Variants in RANBP3L observed in about 807,000 individuals in gnomAD.
The protein encoded by RANBP3L is ran-binding protein 3-like.
Under a neutral mutation model 67.2 loss-of-function variants are expected in RANBP3L, and 56 were observed. The ratio of observed to expected loss-of-function variants is 0.83; its 90% CI spans 0.67 to 1.04. The LOEUF (loss-of-function observed/expected upper bound fraction) is 1.04. Ranked by LOEUF, RANBP3L falls within the 50% of genes least tolerant of loss-of-function variation. RANBP3L has a pLI of 0.00. For synonymous variants in RANBP3L, 164 were observed against 181.4 expected (o/e 0.90, Z 0.77); for missense variants, 496 against 535.5 (o/e 0.93, Z 0.73).
At chr5:36,290,312 GT>G (rs1370373321) in intron 1 of RANBP3L, among the ~76,000 whole-genome samples, 1 of 150,282 alleles carries the variant, frequency 6.7e-6, no homozygotes, top group Non-Finnish European at 1.5e-5. Flanking sequence ...TTACCTCCCA[GT>G]TCAAGCAATT....
intron 1 of RANBP3L, among the ~76,000 whole-genome samples, chr5:36,275,885 T>G (rs1472290742): frequency 2.0e-5 from 3 of 152,148 alleles, no homozygotes; most frequent in African/African-American, 7.2e-5. Flanking sequence ...TCTCCTGTTT[T>G]TCCAGAAAAG....
chr5:36,279,072 G>GA (rs894834505), intron 1 of RANBP3L, among the ~76,000 whole-genome samples: 19 of 151,776 alleles, frequency 1.3e-4, no homozygotes, highest in African/African-American at 4.4e-4. Flanking sequence ...ATTATCTGCA[G>GA]AAAAAAAATA....
chr5:36,297,120 A>T (rs1752271326), intron 1 of RANBP3L, among the ~76,000 whole-genome samples: 1 of 152,172 alleles, frequency 6.6e-6, no homozygotes, highest in Admixed American at 6.6e-5. Flanking sequence ...CCTTATCAAT[A>T]ACATAAGACA....
At chr5:36,277,391 C>T (rs1276528539) in intron 1 of RANBP3L, among the ~76,000 whole-genome samples, 2 of 133,746 alleles carry the variant, frequency 1.5e-5, no homozygotes, top group Non-Finnish European at 3.2e-5. Context: ...CGAGCCTCAG[C>T]TTTTTCATCT....
At chr5:36,265,630 C>T in intron 4 of RANBP3L, 110 bp from the exon 5 acceptor site, 2 of 619,490 alleles carry the variant, frequency 3.2e-6, no homozygotes, top group Non-Finnish European at 5.6e-6. Flanking sequence ...TCGCAATTGG[C>T]ACTAACAGAG....
intron 1 of RANBP3L, among the ~76,000 whole-genome samples, chr5:36,299,367 A>G (rs879839890): frequency 0.022 from 3,067 of 139,472 alleles, 79 homozygotes; most frequent in African/African-American, 0.067. Context: ...GTGTGTGTGT[A>G]TATATCCTAT....
chr5:36,257,843 A>G (rs1579683565), intron 8 of RANBP3L, among the ~76,000 whole-genome samples: 1 of 68,638 alleles, frequency 1.5e-5, no homozygotes, highest in East Asian at 3.0e-4. Flanking sequence ...AAAGAAGGTA[A>G]TAGATGTTCC....
chr5:36,301,325 C>A lies in RANBP3L; in HGVS notation c.91+1G>T, dbSNP rs767651517. 1 of 1,610,508 alleles carries A rather than the reference C, an allele frequency of 6.2e-7. No individual in the cohort carries two copies. Among genetic ancestry groups the A allele is most frequent in the African/African-American group, 1.3e-5 (1 of 74,862 alleles). ...GCAACTCATGAGCTGGACGGACTCA[C>A]CTTGCTGTCGCCGGTCCTCCTGCAG... On this transcript the variant is annotated splice_donor_variant, in intron 1 of 13. Transcript: ENST00000296604. LOFTEE classifies it high-confidence loss of function.
chr5:36,264,332 G>A (rs2111799552), intron 6 of RANBP3L, among the ~76,000 whole-genome samples: 1 of 152,282 alleles, frequency 6.6e-6, no homozygotes, highest in Non-Finnish European at 1.5e-5. Flanking sequence ...GTCTGCTTCT[G>A]CTGGAAGACA....
At chr5:36,268,020 G>A (rs997508295) in intron 4 of RANBP3L, among the ~76,000 whole-genome samples, 2 of 152,166 alleles carry the variant, frequency 1.3e-5, no homozygotes, top group Admixed American at 6.5e-5. Flanking sequence ...CATATACTCA[G>A]AATTTGTGAA....
At chr5:36,283,011 A>AG (rs1442757969) in intron 1 of RANBP3L, among the ~76,000 whole-genome samples, 17 of 152,180 alleles carry the variant, frequency 1.1e-4, no homozygotes, top group Non-Finnish European at 2.1e-4. Flanking sequence ...AGCTAATAAA[A>AG]ATTAGCAGAG....
intron 12 of RANBP3L, among the ~76,000 whole-genome samples, chr5:36,252,868 T>C (rs1748694760): frequency 6.6e-6 from 1 of 152,074 alleles, no homozygotes; most frequent in African/African-American, 2.4e-5. Context: ...TAATAAACTT[T>C]GGTTTTTCAT....
chr5:36,301,273 G>T (rs1752591371), intron 1 of RANBP3L, 53 bp downstream of exon 1: 1 of 1,342,990 alleles, frequency 7.4e-7, no homozygotes. Flanking sequence ...TTCCTGGAAT[G>T]CAAATGCACA....
chr5:36,265,423 A>T (rs1749691869), intron 5 of RANBP3L, 26 bp downstream of exon 5: 3 of 1,432,038 alleles, frequency 2.1e-6, no homozygotes, highest in South Asian at 2.4e-5. Context: ...ACAATTTCTG[A>T]GGTTCTTGAA....
Position 36,264,962 on chromosome 5 carries a change from A to G in RANBP3L, c.477T>C (p.Asn159=), listed in dbSNP as rs1749651805. 6.2e-7 allele frequency: 1 copy of G among 1,611,708 alleles called. No individual in the cohort carries two copies. Among genetic ancestry groups the G allele is most frequent in the Non-Finnish European group, 8.5e-7 (1 of 1,179,294 alleles). ...CCGTTATCCTGGGCTTTCTCACCTTATTATTTGTTTTTTCTTTAGTCTTGC... is the reference window on the plus strand; with the variant it reads ...CCGTTATCCTGGGCTTTCTCACCTTGTTATTTGTTTTTTCTTTAGTCTTGC... ...ESCKTKEKTN[N]KISEGNSYLL... The change falls in exon 6 of 14, where the codon AAT becomes AAC. Residue 159 remains asparagine (N), a synonymous_variant. Transcript: ENST00000296604.
intron 1 of RANBP3L, among the ~76,000 whole-genome samples, chr5:36,285,719 C>T (rs1751275862): frequency 6.6e-6 from 1 of 152,148 alleles, no homozygotes; most frequent in Non-Finnish European, 1.5e-5. Flanking sequence ...TGGTTACCAG[C>T]ACCAGGAAAC....
intron 1 of RANBP3L, among the ~76,000 whole-genome samples, chr5:36,288,418 CAT>C (rs1213637582): frequency 1.3e-5 from 2 of 152,160 alleles, no homozygotes; most frequent in Non-Finnish European, 2.9e-5. Context: ...TGTTGGGGCT[CAT>C]ATGAATAAAA....
Position 36,247,139 on chromosome 5 carries a change from T to C in RANBP3L, c.*2515A>G, listed in dbSNP as rs1390846756. 1.3e-5 allele frequency among the ~76,000 whole-genome samples: 2 copies of C among 152,194 alleles called. No individual in the cohort carries two copies. Among genetic ancestry groups the C allele is most frequent in the African/African-American group, 2.4e-5 (1 of 41,448 alleles). On this transcript the variant is annotated 3_prime_UTR_variant, in exon 14 of 14. Coordinates refer to ENST00000296604, the MANE Select transcript of RANBP3L (RefSeq NM_145000.5). ...ATGTTATTGTACAACTCATCTCTCC[T>C]TATAAAAGGAGAACAAAGGACATAG...
chr5:36,249,897 C>T (rs962090445), intron 13 of RANBP3L, among the ~76,000 whole-genome samples, 200 bp from the exon 14 acceptor site: 1 of 151,794 alleles, frequency 6.6e-6, no homozygotes, highest in Non-Finnish European at 1.5e-5. Context: ...AATTTATAAG[C>T]AACAAAGTGC....
Sources: allele counts gnomAD v4.1 joint callset (sites outside exome capture counted in the v4.1 genomes callset), GRCh38; gene constraint gnomAD v4.1.1; transcripts MANE v1.5; gene names NCBI Gene and HGNC (gene_info 2026-07-23, HGNC 2026-07-21).